Variants in STRA6 observed in about 807,000 individuals in gnomAD.
STRA6 encodes receptor for retinol uptake STRA6.
Under a neutral mutation model 83.6 loss-of-function variants are expected in STRA6, and 48 were observed. That is an observed-to-expected ratio of 0.57 (90% CI 0.46 to 0.73). The LOEUF (loss-of-function observed/expected upper bound fraction) is 0.73, where lower values mean the gene tolerates loss of function less well. STRA6 is among the 30% of genes least tolerant of loss of function. STRA6 has a pLI of 0.00. For missense variants in STRA6, 760 were observed against 838.8 expected (o/e 0.91, Z 1.16); for synonymous variants, 353 against 362.3 (o/e 0.97, Z 0.29).
chr15:74,209,454 T>A, upstream of STRA6: 3 of 1,535,346 alleles, frequency 2.0e-6, no homozygotes, highest in Non-Finnish European at 2.6e-6. Flanking sequence ...CGGATCTGCA[T>A]CCTGCTGCTG....
chr15:74,193,743 G>A, intron 8 of STRA6, 57 bp downstream of exon 8: 1 of 1,607,592 alleles, frequency 6.2e-7, no homozygotes, highest in Middle Eastern at 1.7e-4. Flanking sequence ...ACAGATACGG[G>A]GGAGTAGGGC....
chr15:74,212,257 A>G (rs2074375034), upstream of STRA6: 1 of 152,332 alleles, frequency 6.6e-6, no homozygotes. Flanking sequence ...CAGCCAAGCA[A>G]CTGGGCACAT....
chr15:74,182,093 CAA>C, intron 16 of STRA6, 66 bp downstream of exon 16: 2 of 1,388,850 alleles, frequency 1.4e-6, no homozygotes, highest in South Asian at 2.3e-5. Flanking sequence ...AGGGAGGACA[CAA>C]AAAGAGAGAG....
At chr15:74,184,632 A>T (rs2073153559) in intron 13 of STRA6, among the ~76,000 whole-genome samples, 1 of 152,020 alleles carries the variant, frequency 6.6e-6, no homozygotes, top group Non-Finnish European at 1.5e-5. Flanking sequence ...CTCACCTCCT[A>T]TCTCCTTCCA....
Position 74,191,170 on chromosome 15 carries a change from G to C in STRA6, c.862C>G (p.Pro288Ala). The C allele has an allele frequency of 6.2e-7, 1 of 1,614,030 alleles. No homozygotes were observed. The highest frequency in any genetic ancestry group is 1.1e-5 in the South Asian group (1 of 91,050). Residue 288 changes from proline to alanine, a missense_variant, in exon 10 of 19, where the codon CCA becomes GCA. Coordinates refer to ENST00000395105, the MANE Select transcript of STRA6 (RefSeq NM_022369.4). ...CLRHCIYTPQ[P>A]GFHLPLKLVL... ...GCCTCAGCTCCCAACCCCATACCTG[G>C]CTGTGGAGTGTAGATGCAGTGTCTC...
intron 12 of STRA6, among the ~76,000 whole-genome samples, chr15:74,186,037 G>C (rs965952672): frequency 1.3e-5 from 2 of 152,220 alleles, no homozygotes; most frequent in Non-Finnish European, 2.9e-5. Flanking sequence ...AGGGATTAGA[G>C]TGGTGGATCT....
chr15:74,209,759 C>T, upstream of STRA6: 1 of 317,274 alleles, frequency 3.2e-6, no homozygotes, highest in East Asian at 6.2e-5. Context: ...TGCAGGGATG[C>T]AGACAAGACT....
intron 7 of STRA6, chr15:74,194,933 G>C: frequency 1.4e-6 from 2 of 1,421,850 alleles, no homozygotes; most frequent in Non-Finnish European, 9.1e-7. Flanking sequence ...CGCACTTGCC[G>C]GCCTCCATCA....
chr15:74,187,716 T>G (rs963796006), intron 12 of STRA6, among the ~76,000 whole-genome samples: 1 of 152,180 alleles, frequency 6.6e-6, no homozygotes, highest in African/African-American at 2.4e-5. Context: ...ATTCCTCATC[T>G]GCAAATTTAA....
Position 74,189,175 on chromosome 15 carries a change from G to A in STRA6, c.1030C>T (p.Leu344Phe). 2 of 1,614,112 alleles carry A rather than the reference G, an allele frequency of 1.2e-6. No individual in the cohort carries two copies. The highest frequency in any genetic ancestry group is 1.7e-6 in the Non-Finnish European group (2 of 1,180,018). The change falls in exon 12 of 19, where the codon CTC (leucine) becomes TTC (phenylalanine). Residue 344 changes from leucine (L) to phenylalanine (F), a missense_variant. By Grantham distance (22) the Leu-to-Phe change is conservative. Coordinates refer to ENST00000395105, the MANE Select transcript of STRA6 (RefSeq NM_022369.4). ...SYLLAGFGIV[L>F]SEDKQEVVEL... ...ACCACCTCCTGCTTGTCCTCGGAGA[G>A]CACGATTCCAAAGCCGGCCAGCAGG...
chr15:74,198,930 G>A (rs1387861528), intron 2 of STRA6, among the ~76,000 whole-genome samples: 1 of 152,234 alleles, frequency 6.6e-6, no homozygotes, highest in East Asian at 1.9e-4. Flanking sequence ...GTGGAGAAAG[G>A]GAGTGAGGCA....
intron 17 of STRA6, among the ~76,000 whole-genome samples, 165 bp from the exon 18 acceptor site, chr15:74,181,102 T>G (rs2141994934): frequency 6.6e-6 from 1 of 152,230 alleles, no homozygotes; most frequent in Admixed American, 6.5e-5. Context: ...CGTGTGGACC[T>G]GCTAGAACAC....
chr15:74,185,818 A>G (rs2073220155), intron 12 of STRA6, among the ~76,000 whole-genome samples: 1 of 152,240 alleles, frequency 6.6e-6, no homozygotes, highest in Non-Finnish European at 1.5e-5. Context: ...GCTCAGAGAG[A>G]GGGCTTCGCC....
chr15:74,199,419 G>A (rs1320809885), intron 2 of STRA6, among the ~76,000 whole-genome samples: 2 of 152,184 alleles, frequency 1.3e-5, no homozygotes, highest in African/African-American at 4.8e-5. Context: ...ACTGACTCCA[G>A]TGTCAGCTCC....
At chr15:74,187,635 A>G (rs531212193) in intron 12 of STRA6, among the ~76,000 whole-genome samples, 1 of 152,242 alleles carries the variant, frequency 6.6e-6, no homozygotes, top group African/African-American at 2.4e-5. Context: ...GGCGAAGGAC[A>G]GACCAAGGGA....
intron 2 of STRA6, among the ~76,000 whole-genome samples, chr15:74,198,932 A>T (rs943187145): frequency 6.6e-6 from 1 of 152,186 alleles, no homozygotes. Flanking sequence ...GGAGAAAGGG[A>T]GTGAGGCAGG....
In STRA6 at chr15:74,189,125, C is replaced by G; in HGVS notation, c.1080G>C (p.Trp360Cys). The change falls in exon 12 of 19, where the codon TGG becomes TGC. Residue 360 changes from tryptophan to cysteine, a missense_variant. Coordinates refer to ENST00000395105, the MANE Select transcript of STRA6 (RefSeq NM_022369.4). ...EVVELVKHHL[W>C]ALEVCYISAL... ...CCCTGGAGGCCTCACCTTCCAGAGC[C>G]CACAGATGGTGCTTCACCAGCTCCA... 6.2e-7 allele frequency: 1 copy of G among 1,614,136 alleles called. No individual in the cohort carries two copies. Among genetic ancestry groups the G allele is most frequent in the Non-Finnish European group, 8.5e-7 (1 of 1,180,030 alleles).
At chr15:74,180,363 T>A (rs991583447) in intron 18 of STRA6, 120 bp from the exon 19 acceptor site, 29 of 1,288,906 alleles carry the variant, frequency 2.2e-5, no homozygotes, top group African/African-American at 8.7e-5. Flanking sequence ...AGGCTTAGGA[T>A]GTCCCCTGCA....
In STRA6 at chr15:74,189,361, GCACAC is replaced by G. The variant is rs1373536006; in HGVS notation, c.928-89_928-85del. 3 of 1,532,388 alleles carry G rather than the reference GCACAC, an allele frequency of 2.0e-6. No individual in the cohort carries two copies. In the African/African-American group the frequency reaches 4.1e-5, roughly 21 times the overall value. 94.9% of individuals were successfully genotyped at this position (1,532,388 alleles called of 1,614,324 possible). The stretch of plus-strand genomic sequence containing the variant: ...GGAGACGCTGGGGAAGAAACTGGCA[GCACAC>G]AGGCCCCAGCCACATGCCCATTGCC... On this transcript the variant is annotated intron_variant, in intron 11 of 18. Transcript: ENST00000395105.
Sources: allele counts gnomAD v4.1 joint callset (sites outside exome capture counted in the v4.1 genomes callset), GRCh38; gene constraint gnomAD v4.1.1; transcripts MANE v1.5; gene names NCBI Gene and HGNC (gene_info 2026-07-23, HGNC 2026-07-21).